Variants in BMPR2 observed in about 807,000 individuals in gnomAD.
BMPR2 encodes the protein bone morphogenetic protein receptor type-2.
BMPR2 carries 29 observed loss-of-function variants against 100.8 expected under a neutral mutation model. That is an observed-to-expected ratio of 0.29 (90% CI 0.21 to 0.39). The LOEUF is 0.39. Ranked by LOEUF, BMPR2 falls within the 10% of genes least tolerant of loss-of-function variation. BMPR2 has a pLI of 1.00. For missense variants in BMPR2, 1,011 were observed against 1,274.5 expected, an observed-to-expected ratio of 0.79 and a Z score of 3.15; for synonymous variants, 382 against 442.3, an observed-to-expected ratio of 0.86 and a Z score of 1.71.
intron 1 of BMPR2, among the ~76,000 whole-genome samples, chr2:202,442,347 A>G (rs1234441131): frequency 6.6e-6 from 1 of 150,488 alleles, no homozygotes; most frequent in Non-Finnish European, 1.5e-5. Flanking sequence ...GGTGTCTTAT[A>G]TAAATTGAAA....
intron 1 of BMPR2, among the ~76,000 whole-genome samples, chr2:202,379,717 G>C (rs1559018929): frequency 6.6e-6 from 1 of 152,214 alleles, no homozygotes; most frequent in Non-Finnish European, 1.5e-5. Flanking sequence ...AGCTGAACAG[G>C]AAAATAAATC....
chr2:202,496,812 C>G (rs1256739473), intron 3 of BMPR2, among the ~76,000 whole-genome samples: 1 of 152,272 alleles, frequency 6.6e-6, no homozygotes, highest in Admixed American at 6.5e-5. Flanking sequence ...TTTGGCAGCA[C>G]TTGAGGAGCC....
At position 202,520,053 on chromosome 2, in the gene BMPR2, C is replaced by CTT. The variant is rs11390605; in HGVS notation, c.853-23_853-22dup. ...TCATGTTAAAGTGAGTTAATTCTAC[C>CTT]TTTTTTTTTTTTCGCATTTTTTCCT... is the stretch of plus-strand genomic sequence containing the variant. On this transcript the variant is annotated intron_variant, in intron 6 of 12. Coordinates refer to ENST00000374580, the MANE Select transcript of BMPR2 (RefSeq NM_001204.7). 162,188 of 1,126,778 alleles carry CTT rather than the reference C, an allele frequency of 0.14. 2,694 individuals are homozygous for CTT. Among genetic ancestry groups the CTT allele is most frequent in the Non-Finnish European group, 0.15 (120,291 of 785,448 alleles). The allele number at this position is 1,126,778 out of a possible 1,614,324, so 69.8% of individuals were successfully genotyped here. A position where few individuals can be genotyped will look rare whatever the true frequency, so the allele number is the denominator to read the frequency against.
intron 3 of BMPR2, among the ~76,000 whole-genome samples, chr2:202,468,383 T>C (rs192682559): frequency 1.2e-4 from 18 of 152,130 alleles, no homozygotes; most frequent in Middle Eastern, 3.4e-3. Context: ...GAGGCTGAGG[T>C]TGGAGATTTG....
intron 1 of BMPR2, among the ~76,000 whole-genome samples, chr2:202,413,563 A>G (rs972145187): frequency 6.6e-6 from 1 of 152,224 alleles, no homozygotes; most frequent in African/African-American, 2.4e-5. Flanking sequence ...AGTGTTTGCA[A>G]TAACTATATA....
In BMPR2 at chr2:202,503,792, A is replaced by G. The variant is rs1038977821; in HGVS notation, c.419-9927A>G. Among the ~76,000 whole-genome samples the G allele has an allele frequency of 6.6e-6, 1 of 152,252 alleles. No homozygotes were observed. The highest frequency in any genetic ancestry group is 1.5e-5 in the Non-Finnish European group (1 of 68,040). ...GGGACTGGCAGGCAGCTCCACCTGC[A>G]GCCCAGGTGTGGGATCCACTGGGTG... On this transcript the variant is annotated intron_variant, in intron 3 of 12. Transcript: ENST00000374580. The surrounding 1 kb of genome is among the most constrained non-coding windows in gnomAD (Gnocchi z 4.0).
Position 202,380,965 on chromosome 2 carries a change from C to CTTTT in BMPR2, c.76+3439_76+3442dup, listed in dbSNP as rs1159400445. Among the ~76,000 whole-genome samples, 119 of 70,790 alleles carry CTTTT rather than the reference C, an allele frequency of 1.7e-3. 8 individuals carry two copies. Among genetic ancestry groups the CTTTT allele is most frequent in the Non-Finnish European group, 2.8e-3 (102 of 35,984 alleles). 46.4% of individuals were successfully genotyped at this position (70,790 alleles called of 152,430 possible). A position where few individuals can be genotyped will look rare whatever the true frequency, so the allele number is the denominator to read the frequency against. ...GCCCTGGCCCTGGATTTCTTTCTTTCTTTTTTTTTTTTTTTTTTTTTTTTT... is the reference window on the plus strand; with the variant it reads ...GCCCTGGCCCTGGATTTCTTTCTTTCTTTTTTTTTTTTTTTTTTTTTTTTTTTTT... On this transcript the variant is annotated intron_variant, in intron 1 of 12. Transcript: ENST00000374580.
At chr2:202,514,329 G>A (rs976920454) in intron 4 of BMPR2, among the ~76,000 whole-genome samples, 1 of 151,960 alleles carries the variant, frequency 6.6e-6, no homozygotes, top group Non-Finnish European at 1.5e-5. Context: ...GTAGAGACGG[G>A]GTTTCACCGT....
At chr2:202,417,122 C>G (rs545246883) in intron 1 of BMPR2, among the ~76,000 whole-genome samples, 1 of 151,928 alleles carries the variant, frequency 6.6e-6, no homozygotes, top group Admixed American at 6.6e-5. Flanking sequence ...AGGCGTGAGC[C>G]GTGGCGCCCA....
At chr2:202,396,281 G>C (rs1025750332) in intron 1 of BMPR2, among the ~76,000 whole-genome samples, 14 of 152,188 alleles carry the variant, frequency 9.2e-5, no homozygotes, top group Non-Finnish European at 1.9e-4. Flanking sequence ...GAGTTATTTG[G>C]TATATATGTA....
At chr2:202,520,359 G>A in intron 7 of BMPR2, 158 bp downstream of exon 7, 1 of 674,850 alleles carries the variant, frequency 1.5e-6, no homozygotes, top group Non-Finnish European at 2.6e-6. Flanking sequence ...CATTTGAAAT[G>A]TAACAGAAAG....
intron 1 of BMPR2, among the ~76,000 whole-genome samples, chr2:202,387,720 A>AAAG (rs1690458416): frequency 6.6e-6 from 1 of 152,202 alleles, no homozygotes; most frequent in Non-Finnish European, 1.5e-5. Flanking sequence ...GGAAAAGAAC[A>AAAG]CCAGTTAGAT....
chr2:202,500,176 C>T (rs1559057014), intron 3 of BMPR2, among the ~76,000 whole-genome samples: 1 of 152,196 alleles, frequency 6.6e-6, no homozygotes, highest in Non-Finnish European at 1.5e-5. Context: ...AGGAAATTGA[C>T]TTCCTCCTGG....
intron 1 of BMPR2, among the ~76,000 whole-genome samples, chr2:202,398,910 C>T (rs186765458): frequency 6.6e-4 from 101 of 152,204 alleles, no homozygotes; most frequent in African/African-American, 2.2e-3. Flanking sequence ...GGGCAGATCA[C>T]CTGAAGTTGG....
chr2:202,469,706 C>T (rs1574465160), intron 3 of BMPR2, among the ~76,000 whole-genome samples: 1 of 151,382 alleles, frequency 6.6e-6, no homozygotes, highest in African/African-American at 2.4e-5. Context: ...CTCAAATTCC[C>T]GACCTCAGAT....
At chr2:202,522,911 G>T (rs34807562) in intron 7 of BMPR2, among the ~76,000 whole-genome samples, 1 of 152,002 alleles carries the variant, frequency 6.6e-6, no homozygotes, top group Non-Finnish European at 1.5e-5. Context: ...CTTAGAAAAT[G>T]TTCTTTTCAA....
intron 3 of BMPR2, among the ~76,000 whole-genome samples, chr2:202,471,952 TAAAAG>T (rs1692447486): frequency 1.3e-5 from 2 of 151,224 alleles, no homozygotes. Context: ...AAAGAGGTAA[TAAAAG>T]CAAACAGTAA....
intron 7 of BMPR2, 149 bp from the exon 8 acceptor site, chr2:202,530,645 G>T (rs1249589758): frequency 6.4e-6 from 4 of 627,620 alleles, no homozygotes; most frequent in Non-Finnish European, 1.1e-5. Flanking sequence ...AAATAGTGAT[G>T]AGTGTGAGTT....
At chr2:202,517,093 G>A (rs763542929) in intron 5 of BMPR2, among the ~76,000 whole-genome samples, 29 of 151,688 alleles carry the variant, frequency 1.9e-4, no homozygotes, top group Admixed American at 1.3e-3. Flanking sequence ...CATGGCACGC[G>A]CCTGTAATCC....
Sources: gnomAD v4.1 joint callset for allele counts (sites outside exome capture counted in the v4.1 genomes callset) on GRCh38, gnomAD v4.1.1 for gene constraint, Gnocchi (gnomAD v3.1) non-coding constraint, MANE v1.5 for transcripts, NCBI Gene and HGNC (gene_info 2026-07-23, HGNC 2026-07-21) for gene names.